B3GALT1: variants seen among roughly 807,000 people sequenced by gnomAD.
B3GALT1 encodes the protein UDP-Gal:betaGlcNAc beta 1,3-galactosyltransferase, polypeptide 1.
A neutral mutation model predicts 23.2 loss-of-function variants in B3GALT1; 10 were observed. That is an observed-to-expected ratio of 0.43 (90% CI 0.27 to 0.73). B3GALT1 has a LOEUF of 0.73. Ranked by LOEUF, B3GALT1 falls within the 30% of genes least tolerant of loss-of-function variation. B3GALT1 has a pLI of 0.21. For missense variants in B3GALT1, 299 were observed against 405.4 expected (o/e 0.74, Z 2.25); for synonymous variants, 156 against 141.5 (o/e 1.10, Z -0.73).
chr2:167,445,980 A>T (rs1698981916), intron 1 of B3GALT1, among the ~76,000 whole-genome samples: 1 of 152,166 alleles, frequency 6.6e-6, no homozygotes, highest in African/African-American at 2.4e-5. Context: ...ACAGTTTGGC[A>T]TGTTTTTGCA....
intron 2 of B3GALT1, among the ~76,000 whole-genome samples, chr2:167,627,752 A>C (rs1685371314): frequency 6.6e-6 from 1 of 151,600 alleles, no homozygotes; most frequent in Admixed American, 6.6e-5. Context: ...AAACTACCAA[A>C]TCATTTTCTG....
At chr2:167,296,024 T>G (rs1483098966) in intron 1 of B3GALT1, among the ~76,000 whole-genome samples, 1 of 152,150 alleles carries the variant, frequency 6.6e-6, no homozygotes, top group Non-Finnish European at 1.5e-5. Context: ...ATACAAGCAG[T>G]TCAAATTGTA....
intron 2 of B3GALT1, among the ~76,000 whole-genome samples, chr2:167,640,005 T>A (rs1430145603): frequency 6.6e-6 from 1 of 152,136 alleles, no homozygotes; most frequent in African/African-American, 2.4e-5. Flanking sequence ...ATTTTAAGAT[T>A]AAATGATGGA....
At chr2:167,458,798 G>A (rs1699212335) in intron 1 of B3GALT1, among the ~76,000 whole-genome samples, 1 of 152,086 alleles carries the variant, frequency 6.6e-6, no homozygotes, top group Admixed American at 6.6e-5. Context: ...TTTTAAACCA[G>A]ATTTTTTTGT....
intron 2 of B3GALT1, among the ~76,000 whole-genome samples, chr2:167,646,636 A>T (rs1009829201): frequency 6.6e-6 from 1 of 152,226 alleles, no homozygotes. Context: ...ACAAAGCTGA[A>T]TTGGCACAGT....
At chr2:167,444,193 A>G (rs933927011) in intron 1 of B3GALT1, among the ~76,000 whole-genome samples, 1 of 152,232 alleles carries the variant, frequency 6.6e-6, no homozygotes, top group Non-Finnish European at 1.5e-5. Flanking sequence ...ATTTTGAACC[A>G]GCCTTGCATC....
chr2:167,453,600 C>T (rs1699122032), intron 1 of B3GALT1, among the ~76,000 whole-genome samples: 3 of 152,076 alleles, frequency 2.0e-5, no homozygotes, highest in African/African-American at 7.2e-5. Context: ...AAAAAGTGTT[C>T]AATGTAAAAG....
chr2:167,780,518 G>T (rs1446077425), intron 3 of B3GALT1, among the ~76,000 whole-genome samples: 3 of 152,186 alleles, frequency 2.0e-5, no homozygotes, highest in African/African-American at 7.2e-5. Context: ...ACACTACTCT[G>T]CCCATAAAGC....
intron 3 of B3GALT1, among the ~76,000 whole-genome samples, chr2:167,813,123 T>A (rs921794380): frequency 2.0e-5 from 3 of 151,936 alleles, no homozygotes; most frequent in Non-Finnish European, 4.4e-5. Flanking sequence ...TAGTAGAATA[T>A]GACAGTACAG....
chr2:167,834,080 G>C (rs975182698), intron 4 of B3GALT1, among the ~76,000 whole-genome samples: 1 of 152,062 alleles, frequency 6.6e-6, no homozygotes, highest in African/African-American at 2.4e-5. Context: ...CACAAAATAG[G>C]GTATGCTGGT....
intron 3 of B3GALT1, among the ~76,000 whole-genome samples, chr2:167,754,951 C>T (rs896805025): frequency 6.6e-6 from 1 of 152,164 alleles, no homozygotes; most frequent in Non-Finnish European, 1.5e-5. Flanking sequence ...GCTTTGTGTG[C>T]AGAGCCGAGC....
chr2:167,702,202 A>G (rs1434280863), intron 3 of B3GALT1, among the ~76,000 whole-genome samples: 1 of 152,218 alleles, frequency 6.6e-6, no homozygotes, highest in African/African-American at 2.4e-5. Context: ...CCAAAAGCCC[A>G]AAATCTTCCT....
At chr2:167,541,158 A>C (rs183022014) in intron 2 of B3GALT1, among the ~76,000 whole-genome samples, 59 of 152,234 alleles carry the variant, frequency 3.9e-4, no homozygotes, top group Admixed American at 1.4e-3. Context: ...CTATCACTGC[A>C]TTCTTCCCTT....
chr2:167,504,711 G>C (rs1264977874), intron 2 of B3GALT1, among the ~76,000 whole-genome samples: 2 of 152,060 alleles, frequency 1.3e-5, no homozygotes, highest in Non-Finnish European at 2.9e-5. Context: ...TATTTTTACT[G>C]TACCTTTTTA....
chr2:167,296,681 T>C (rs768380549), intron 1 of B3GALT1, among the ~76,000 whole-genome samples: 1 of 152,188 alleles, frequency 6.6e-6, no homozygotes, highest in Non-Finnish European at 1.5e-5. Flanking sequence ...TTTAACAAAT[T>C]GTACTGTGTT....
intron 4 of B3GALT1, among the ~76,000 whole-genome samples, chr2:167,847,131 G>GAGAT (rs1400444140): frequency 6.6e-6 from 1 of 152,156 alleles, no homozygotes; most frequent in African/African-American, 2.4e-5. Context: ...CCTAAGAAAT[G>GAGAT]AGATAGACAG....
chr2:167,703,933 G>A (rs1392758229), intron 3 of B3GALT1, among the ~76,000 whole-genome samples: 1 of 152,088 alleles, frequency 6.6e-6, no homozygotes, highest in Non-Finnish European at 1.5e-5. Context: ...TGTAATCCCA[G>A]CACTTTGGGA....
Position 167,357,061 on chromosome 2 carries a change from C to CACATAA in B3GALT1, c.-511+63728_-511+63729insCATAAA, listed in dbSNP as rs1553514481. Among the ~76,000 whole-genome samples the CACATAA allele has an allele frequency of 4.1e-3, 624 of 151,992 alleles. 9 individuals carry two copies. The highest frequency in any genetic ancestry group is 0.014 in the African/African-American group (601 of 41,482). On this transcript the variant is annotated intron_variant, in intron 1 of 4. Coordinates refer to ENST00000392690, the MANE Select transcript of B3GALT1 (RefSeq NM_020981.4). ...ATATATATGTATGTGTGACAGTACA[C>CACATAA]ATGTGAATAAACATTTATGCAGAAT...
chr2:167,657,453 C>T (rs541656057), intron 3 of B3GALT1, among the ~76,000 whole-genome samples: 3 of 152,132 alleles, frequency 2.0e-5, no homozygotes, highest in East Asian at 3.9e-4. Context: ...AAGACACTGC[C>T]GGCATGTCCC....
Sources: allele counts gnomAD v4.1 joint callset (sites outside exome capture counted in the v4.1 genomes callset), GRCh38; gene constraint gnomAD v4.1.1; transcripts MANE v1.5; gene names NCBI Gene and HGNC (gene_info 2026-07-23, HGNC 2026-07-21).